Variants in GPR137B observed in about 807,000 individuals in gnomAD.
GPR137B encodes the protein integral membrane protein GPR137B.
GPR137B carries 42 observed loss-of-function variants against 42.5 expected under a neutral mutation model. The observed-to-expected ratio is 0.99, with a 90% CI of 0.77 to 1.28. The LOEUF (loss-of-function observed/expected upper bound fraction) is 1.28. GPR137B is among the 50% of genes most tolerant of loss of function. The pLI is 0.00. For synonymous variants in GPR137B, 218 were observed against 209.7 expected (o/e 1.04, Z -0.34); for missense variants, 487 against 493.9 (o/e 0.99, Z 0.13).
At chr1:236,143,089 G>C (rs1305157354) in intron 1 of GPR137B, 53 bp downstream of exon 1, 4 of 1,514,414 alleles carry the variant, frequency 2.6e-6, no homozygotes, top group African/African-American at 1.4e-5. Context: ...TGGTCCCCGC[G>C]GGGCGCCCGA....
chr1:236,171,763 G>T lies in GPR137B; in HGVS notation c.464+3008G>T, dbSNP rs903818843. On this transcript the variant is annotated intron_variant, in intron 2 of 6. Coordinates refer to ENST00000366592, the MANE Select transcript of GPR137B (RefSeq NM_003272.4). The surrounding 1 kb of genome is among the most constrained non-coding windows in gnomAD (Gnocchi z 4.4). ...CAGATGTTAAAAGTGAGATGTTTGG[G>T]ACTGGGCGCGGTGGCTCATGCCTGT... Among the ~76,000 whole-genome samples, 3 of 152,186 alleles carry T rather than the reference G, an allele frequency of 2.0e-5. No individual in the cohort carries two copies. The highest frequency in any genetic ancestry group is 7.2e-5 in the African/African-American group (3 of 41,436).
intron 1 of GPR137B, among the ~76,000 whole-genome samples, chr1:236,146,881 T>C (rs1295846274): frequency 6.6e-6 from 1 of 152,188 alleles, no homozygotes. Flanking sequence ...TGATCTTGGC[T>C]CACTGCAACC....
intron 1 of GPR137B, among the ~76,000 whole-genome samples, chr1:236,148,520 C>G (rs1247242012): frequency 6.6e-6 from 1 of 152,212 alleles, no homozygotes; most frequent in Non-Finnish European, 1.5e-5. Flanking sequence ...AGCGAGTTCT[C>G]TCCATGGGGA....
intron 1 of GPR137B, among the ~76,000 whole-genome samples, chr1:236,162,306 G>T (rs1230677350): frequency 1.3e-5 from 2 of 152,150 alleles, no homozygotes; most frequent in African/African-American, 4.8e-5. Context: ...GCATTTAGAG[G>T]TGACTTCAGT....
intron 1 of GPR137B, among the ~76,000 whole-genome samples, chr1:236,146,114 TC>T (rs1355444672): frequency 6.6e-6 from 1 of 152,090 alleles, no homozygotes; most frequent in Non-Finnish European, 1.5e-5. Context: ...CACCTCGGCC[TC>T]CCAAAGTGCC....
rs993967535 is a variant in GPR137B at position 236,208,828 on chromosome 1, T to G, written c.*670T>G. ...GTACTTCCTTTCAGTAGGGCGCTAA[T>G]GTATACACATTAATGATAAGTTGAT... is the stretch of plus-strand genomic sequence containing the variant. On this transcript the variant is annotated 3_prime_UTR_variant, in exon 7 of 7. Transcript: ENST00000366592. 9 of 983,922 alleles carry G rather than the reference T, an allele frequency of 9.1e-6. No homozygotes were observed. Among genetic ancestry groups the G allele is most frequent in the Non-Finnish European group, 1.1e-5 (9 of 828,676 alleles). 60.9% of individuals were successfully genotyped at this position (983,922 alleles called of 1,614,324 possible).
In GPR137B at chr1:236,199,212, G is replaced by A. The variant is rs140315940; in HGVS notation, c.967-5914G>A. On this transcript the variant is annotated intron_variant, in intron 5 of 6. Coordinates refer to ENST00000366592, the MANE Select transcript of GPR137B (RefSeq NM_003272.4). The stretch of plus-strand genomic sequence containing the variant: ...TGATATAGCCCATTTATTGACTCAT[G>A]TATGTTAAACCATCCCTGCATCCCT... 5.9e-5 allele frequency among the ~76,000 whole-genome samples: 9 copies of A among 152,248 alleles called. No individual in the cohort carries two copies. In the East Asian group the frequency reaches 1.7e-3, roughly 29 times the overall value.
At chr1:236,181,133 T>C (rs1004827038) in intron 4 of GPR137B, among the ~76,000 whole-genome samples, 19 of 152,262 alleles carry the variant, frequency 1.2e-4, no homozygotes, top group African/African-American at 7.2e-5. Flanking sequence ...CAAAAGTGAC[T>C]GAGGATATTA....
intron 1 of GPR137B, among the ~76,000 whole-genome samples, chr1:236,158,410 G>A (rs1224004539): frequency 6.6e-6 from 1 of 152,156 alleles, no homozygotes; most frequent in Non-Finnish European, 1.5e-5. Flanking sequence ...GGCAACAAAA[G>A]TGAAACTCTG....
chr1:236,151,630 G>C (rs533067233), intron 1 of GPR137B, among the ~76,000 whole-genome samples: 1 of 151,898 alleles, frequency 6.6e-6, no homozygotes, highest in Non-Finnish European at 1.5e-5. Context: ...CACAATGTTG[G>C]CCAGGATGAT....
At chr1:236,204,553 A>C (rs1663597318) in intron 5 of GPR137B, among the ~76,000 whole-genome samples, 1 of 152,068 alleles carries the variant, frequency 6.6e-6, no homozygotes, top group Admixed American at 6.5e-5. Context: ...GAGACTTTTT[A>C]TTATGGCTTT....
Position 236,156,978 on chromosome 1 carries a change from T to C in GPR137B, c.415-11728T>C, listed in dbSNP as rs961456637. Among the ~76,000 whole-genome samples the C allele has an allele frequency of 1.3e-5, 2 of 152,198 alleles. No individual in the cohort carries two copies. Among genetic ancestry groups the C allele is most frequent in the East Asian group, 3.8e-4 (2 of 5,198 alleles). ...GTTTGCGAACATAGATGAGGACTAA[T>C]AATACCAACAGCAGGGGTTGCAGCC... On this transcript the variant is annotated intron_variant, in intron 1 of 6. Coordinates refer to ENST00000366592, the MANE Select transcript of GPR137B (RefSeq NM_003272.4). This position sits in a 1 kb window ranked among gnomAD's most constrained non-coding sequence, Gnocchi z 4.8.
Position 236,208,346 on chromosome 1 carries a change from G to A in GPR137B, c.*188G>A. 4 of 1,290,532 alleles carry A rather than the reference G, an allele frequency of 3.1e-6. No homozygotes were observed. The highest frequency in any genetic ancestry group is 3.4e-5 in the Admixed American group (1 of 29,102). 79.9% of individuals were successfully genotyped at this position (1,290,532 alleles called of 1,614,324 possible). A position where few individuals can be genotyped will look rare whatever the true frequency, so the allele number is the denominator to read the frequency against. On this transcript the variant is annotated 3_prime_UTR_variant, in exon 7 of 7. Transcript: ENST00000366592. ...TAAACCCTTATTTTAGTACTAAAGA[G>A]GGAGCCTTGCTATTTCAGTGGGTAT...
chr1:236,170,468 G>C (rs1010900208), intron 2 of GPR137B, among the ~76,000 whole-genome samples: 34 of 152,194 alleles, frequency 2.2e-4, no homozygotes, highest in African/African-American at 7.5e-4. Context: ...CCCGGGTTTT[G>C]TTTTGTTTTT....
chr1:236,161,198 C>T (rs1662183613), intron 1 of GPR137B, among the ~76,000 whole-genome samples: 1 of 152,124 alleles, frequency 6.6e-6, no homozygotes, highest in Admixed American at 6.5e-5. Flanking sequence ...CTCTGTATCC[C>T]AGGGACCTCT....
intron 1 of GPR137B, among the ~76,000 whole-genome samples, chr1:236,148,384 G>T (rs1050745277): frequency 6.6e-6 from 1 of 152,224 alleles, no homozygotes; most frequent in African/African-American, 2.4e-5. Context: ...GGAATTCCCA[G>T]CCTGGAACTC....
Position 236,142,793 on chromosome 1 carries a change from C to T in GPR137B, c.171C>T (p.Phe57=), listed in dbSNP as rs773995899. ...VVYTVFYALL[F]VFIYVQLWLV... The stretch of plus-strand genomic sequence containing the variant: ...ACACCGTGTTCTACGCGCTGCTCTT[C>T]GTGTTCATCTACGTGCAGCTCTGGC... Residue 57 remains phenylalanine, a synonymous_variant, in exon 1 of 7, where the codon TTC becomes TTT. Coordinates refer to ENST00000366592, the MANE Select transcript of GPR137B (RefSeq NM_003272.4). 2 of 1,613,952 alleles carry T rather than the reference C, an allele frequency of 1.2e-6. No homozygotes were observed. The highest frequency in any genetic ancestry group is 1.1e-5 in the South Asian group (1 of 91,084).
Position 236,200,559 on chromosome 1 carries a change from T to C in GPR137B, c.967-4567T>C, listed in dbSNP as rs567763535. ...GGTGCATATATATTTAGGATTGTGATATTTTCCTGTTGGACTGATCCTTTT... is the reference window on the plus strand; with the variant it reads ...GGTGCATATATATTTAGGATTGTGACATTTTCCTGTTGGACTGATCCTTTT... On this transcript the variant is annotated intron_variant, in intron 5 of 6. Coordinates refer to ENST00000366592, the MANE Select transcript of GPR137B (RefSeq NM_003272.4). Among the ~76,000 whole-genome samples the C allele has an allele frequency of 4.2e-3, 632 of 152,168 alleles. 10 individuals carry two copies. The highest frequency in any genetic ancestry group is 0.014 in the African/African-American group (592 of 41,436).
intron 1 of GPR137B, among the ~76,000 whole-genome samples, chr1:236,149,712 G>A (rs1056425870): frequency 2.0e-5 from 3 of 152,250 alleles, no homozygotes; most frequent in African/African-American, 7.2e-5. Context: ...CAGACAAGGC[G>A]GGCCAAGGGC....
Sources: gnomAD v4.1 joint callset for allele counts (sites outside exome capture counted in the v4.1 genomes callset) on GRCh38, gnomAD v4.1.1 for gene constraint, Gnocchi (gnomAD v3.1) non-coding constraint, MANE v1.5 for transcripts, NCBI Gene and HGNC (gene_info 2026-07-23, HGNC 2026-07-21) for gene names.